The following KCTD16 variants were observed in gnomAD, a reference collection of about 807,000 sequenced individuals.
KCTD16 encodes the protein BTB/POZ domain-containing protein KCTD16.
Under a neutral mutation model 33.2 loss-of-function variants are expected in KCTD16, and 13 were observed. The ratio of observed to expected loss-of-function variants is 0.39; its 90% CI spans 0.25 to 0.62. KCTD16 has a LOEUF of 0.62. Among genes scored for constraint, KCTD16 ranks in the 20% least tolerant of loss-of-function variants. The pLI is 0.50. For synonymous variants in KCTD16, 197 were observed against 195.3 expected (o/e 1.01, Z -0.07); for missense variants, 441 against 525.1 (o/e 0.84, Z 1.57).
intron 3 of KCTD16, among the ~76,000 whole-genome samples, chr5:144,381,365 G>T (rs900272930): frequency 6.6e-6 from 1 of 152,152 alleles, no homozygotes; most frequent in Non-Finnish European, 1.5e-5. Context: ...AATTAGTTCA[G>T]CCACTGCAGA....
intron 3 of KCTD16, among the ~76,000 whole-genome samples, chr5:144,222,367 G>C (rs1432723704): frequency 6.6e-6 from 1 of 152,102 alleles, no homozygotes; most frequent in Non-Finnish European, 1.5e-5. Context: ...GTGGTGTGGG[G>C]TATTCAACAT....
chr5:144,207,522 A>T lies in KCTD16; in HGVS notation c.808A>T (p.Ser270Cys). The T allele has an allele frequency of 6.2e-7, 1 of 1,613,450 alleles. No individual in the cohort carries two copies. The highest frequency in any genetic ancestry group is 8.5e-7 in the Non-Finnish European group (1 of 1,179,594). The part of the protein sequence containing the change: ...NQYTDDKIWS[S>C]YTEYVFYREP... ...ATATACAGATGACAAGATCTGGTCA[A>T]GCTACACTGAATATGTCTTCTACCG... is the stretch of plus-strand genomic sequence containing the variant. Residue 270 changes from serine (S) to cysteine (C), a missense_variant, in exon 3 of 4, where the codon AGC becomes TGC. Physicochemically the swap from Ser to Cys is moderately radical, Grantham distance 112 (BLOSUM62 -1). Around this residue, in one of 3 missense-constraint regions of KCTD16, gnomAD observed 355 missense variants for 413.0 expected, o/e 0.86. Coordinates refer to ENST00000512467, the MANE Select transcript of KCTD16 (RefSeq NM_020768.4).
intron 3 of KCTD16, among the ~76,000 whole-genome samples, chr5:144,269,457 G>GA (rs549271135): frequency 6.6e-6 from 1 of 151,858 alleles, no homozygotes; most frequent in Non-Finnish European, 1.5e-5. Context: ...AGCATTAAAA[G>GA]AAAAAAATCA....
chr5:144,464,306 T>G (rs1462234000), intron 3 of KCTD16, among the ~76,000 whole-genome samples: 1 of 152,340 alleles, frequency 6.6e-6, no homozygotes, highest in East Asian at 1.9e-4. Context: ...ATGAGCAAAT[T>G]AGTAAAATTT....
chr5:144,221,273 T>G (rs943361985), intron 3 of KCTD16, among the ~76,000 whole-genome samples: 2 of 152,086 alleles, frequency 1.3e-5, no homozygotes, highest in African/African-American at 4.8e-5. Flanking sequence ...TGCTTTAGTA[T>G]TATTATTATT....
chr5:144,422,067 T>C (rs190961461), intron 3 of KCTD16, among the ~76,000 whole-genome samples: 1 of 152,304 alleles, frequency 6.6e-6, no homozygotes, highest in African/African-American at 2.4e-5. Flanking sequence ...TATCACATAC[T>C]CTGACTCTTA....
intron 3 of KCTD16, among the ~76,000 whole-genome samples, chr5:144,275,451 A>G (rs1015156040): frequency 4.6e-5 from 7 of 152,186 alleles, no homozygotes; most frequent in African/African-American, 1.4e-4. Context: ...TACTTCTGCA[A>G]TGCTGCCTTG....
chr5:144,377,322 G>A (rs906028409), intron 3 of KCTD16, among the ~76,000 whole-genome samples: 1 of 152,284 alleles, frequency 6.6e-6, no homozygotes, highest in East Asian at 1.9e-4. Flanking sequence ...GAATGGAGTG[G>A]ACAGTGGCAA....
intron 3 of KCTD16, among the ~76,000 whole-genome samples, chr5:144,308,990 G>A (rs906676253): frequency 6.6e-6 from 1 of 152,068 alleles, no homozygotes; most frequent in African/African-American, 2.4e-5. Context: ...AGCTGAGCAG[G>A]CAACAGAGCC....
At chr5:144,184,442 T>G (rs1752686160) in intron 2 of KCTD16, among the ~76,000 whole-genome samples, 1 of 152,206 alleles carries the variant, frequency 6.6e-6, no homozygotes, top group Non-Finnish European at 1.5e-5. Context: ...TTCCATCTTT[T>G]AGCTCTTAGG....
chr5:144,389,342 C>G (rs1291924904), intron 3 of KCTD16, among the ~76,000 whole-genome samples: 1 of 152,038 alleles, frequency 6.6e-6, no homozygotes, highest in African/African-American at 2.4e-5. Context: ...TCACTTGCAC[C>G]CCTGCCTGAG....
chr5:144,307,259 G>A (rs1341998995), intron 3 of KCTD16, among the ~76,000 whole-genome samples: 1 of 152,114 alleles, frequency 6.6e-6, no homozygotes, highest in African/African-American at 2.4e-5. Context: ...TTGCAAATTG[G>A]AGTAATTCCT....
At chr5:144,414,826 C>T (rs971144601) in intron 3 of KCTD16, among the ~76,000 whole-genome samples, 2 of 152,082 alleles carry the variant, frequency 1.3e-5, no homozygotes, top group Non-Finnish European at 2.9e-5. Flanking sequence ...TTGAGACTAC[C>T]AATGAGAGCC....
intron 3 of KCTD16, among the ~76,000 whole-genome samples, chr5:144,453,464 C>T (rs1167136795): frequency 6.6e-6 from 1 of 152,096 alleles, no homozygotes; most frequent in African/African-American, 2.4e-5. Flanking sequence ...TCATAAGAGT[C>T]TGAAAGTCAA....
intron 2 of KCTD16, among the ~76,000 whole-genome samples, chr5:144,203,851 TTAAAAA>T (rs1266124860): frequency 1.1e-4 from 17 of 152,300 alleles, no homozygotes; most frequent in East Asian, 7.7e-4. Flanking sequence ...CTATAAAAAC[TTAAAAA>T]TAAAAGAAAA....
chr5:144,386,002 A>T (rs1008230996), intron 3 of KCTD16, among the ~76,000 whole-genome samples: 2 of 152,122 alleles, frequency 1.3e-5, no homozygotes, highest in Non-Finnish European at 2.9e-5. Flanking sequence ...ATTGCTTGGG[A>T]TTTAAAATAT....
chr5:144,172,638 T>A lies in KCTD16; in HGVS notation c.-493+1629T>A, dbSNP rs557533752. On this transcript the variant is annotated intron_variant, in intron 1 of 3. Coordinates refer to ENST00000512467, the MANE Select transcript of KCTD16 (RefSeq NM_020768.4). Reference sequence around the variant, plus strand: ...AACTTCAGGTAGAATGACCACATATTATGATTTGCTGGAGACAATTCCATT... The same window carrying A: ...AACTTCAGGTAGAATGACCACATATAATGATTTGCTGGAGACAATTCCATT... Among the ~76,000 whole-genome samples, 89 of 152,308 alleles carry A rather than the reference T, an allele frequency of 5.8e-4. 2 individuals are homozygous for A. The highest frequency in any genetic ancestry group is 1.9e-3 in the African/African-American group (77 of 41,574).
intron 3 of KCTD16, among the ~76,000 whole-genome samples, chr5:144,370,742 G>A (rs891819504): frequency 6.6e-6 from 1 of 152,152 alleles, no homozygotes; most frequent in Non-Finnish European, 1.5e-5. Context: ...AAGGATCTGG[G>A]TGAGCTGGCT....
At chr5:144,204,176 C>T (rs1186164097) in intron 2 of KCTD16, among the ~76,000 whole-genome samples, 2 of 152,174 alleles carry the variant, frequency 1.3e-5, no homozygotes, top group African/African-American at 4.8e-5. Flanking sequence ...ATTTTTTGGG[C>T]AAGAGTTGGC....
Sources: gnomAD v4.1 joint callset for allele counts (sites outside exome capture counted in the v4.1 genomes callset) on GRCh38, gnomAD v4.1.1 for gene constraint, gnomAD v4.1.1 regional missense constraint, MANE v1.5 for transcripts, NCBI Gene and HGNC (gene_info 2026-07-23, HGNC 2026-07-21) for gene names.